SLC25A48: variants seen among roughly 807,000 people sequenced by gnomAD.
The protein encoded by SLC25A48 is solute carrier family 25 member 48.
A neutral mutation model predicts 32.2 loss-of-function variants in SLC25A48; 29 were observed. The observed-to-expected ratio is 0.90, with a 90% confidence interval of 0.67 to 1.23. The LOEUF is 1.23. SLC25A48 is among the 50% of genes most tolerant of loss of function. The pLI, the probability that SLC25A48 is intolerant of heterozygous loss-of-function variation, is 0.00. For missense variants in SLC25A48, 399 were observed against 422.7 expected (o/e 0.94, Z 0.49); for synonymous variants, 164 against 172.3 (o/e 0.95, Z 0.38).
chr5:135,607,558 C>T (rs1260938156), intron 1 of SLC25A48, among the ~76,000 whole-genome samples: 2 of 152,152 alleles, frequency 1.3e-5, no homozygotes, highest in African/African-American at 4.8e-5. Flanking sequence ...AGATGTGCTT[C>T]AATCAGAAAA....
rs1365669402 is a variant in SLC25A48 at position 135,784,524 on chromosome 5, G to T, written c.-520-27999G>T. Among the ~76,000 whole-genome samples, 2 of 117,286 alleles carry T rather than the reference G, an allele frequency of 1.7e-5. 1 individual carries two copies. The highest frequency in any genetic ancestry group is 5.2e-5 in the African/African-American group (2 of 38,488). The allele number at this position is 117,286 out of a possible 152,430, so 76.9% of individuals were successfully genotyped here. On this transcript the variant is annotated intron_variant, in intron 3 of 10. Transcript: ENST00000646290. ...GTGATATTGTCCTAATATCAAAAAAGGGAGTTGATGATATTACCCCCAATA... is the reference window on the plus strand; with the variant it reads ...GTGATATTGTCCTAATATCAAAAAATGGAGTTGATGATATTACCCCCAATA...
chr5:135,886,636 T>TATATATAA (rs1554088462), intron 7 of SLC25A48, among the ~76,000 whole-genome samples: 8 of 30,114 alleles, frequency 2.7e-4, no homozygotes, highest in Non-Finnish European at 4.1e-4. Flanking sequence ...TATATATATA[T>TATATATAA]AAAATATATA....
intron 2 of SLC25A48, among the ~76,000 whole-genome samples, chr5:135,843,216 G>A (rs1759147368): frequency 6.6e-6 from 1 of 152,212 alleles, no homozygotes; most frequent in African/African-American, 2.4e-5. Context: ...GCAGGGGGAT[G>A]GCAGGCAGGA....
At position 135,795,065 on chromosome 5, in the gene SLC25A48, G is replaced by C. The variant is rs559235884; in HGVS notation, c.-520-17458G>C. ...CATTGATATTGTTTGTAATCTCCAG[G>C]AGAGAAGAGGATATTACTCTTAGCA... On this transcript the variant is annotated intron_variant, in intron 3 of 10. Coordinates refer to the SLC25A48 transcript ENST00000646290. 5.9e-5 allele frequency among the ~76,000 whole-genome samples: 9 copies of C among 151,832 alleles called. No homozygotes were observed. The East Asian group carries it at 9.7e-4, about 16-fold the overall frequency.
intron 3 of SLC25A48, among the ~76,000 whole-genome samples, chr5:135,723,378 T>TCACACACACACACACA (rs1444066866): frequency 7.9e-3 from 431 of 54,414 alleles, no homozygotes; most frequent in Non-Finnish European, 0.016. Context: ...TCTCTCTCTC[T>TCACACACACACACACA]CTCACACACA....
intron 3 of SLC25A48, among the ~76,000 whole-genome samples, chr5:135,635,169 G>A (rs1054656770): frequency 6.6e-6 from 1 of 152,152 alleles, no homozygotes. Context: ...GGCCTCTGTG[G>A]GTGTACCAGC....
chr5:135,774,792 A>G (rs933636517), intron 3 of SLC25A48, among the ~76,000 whole-genome samples: 1 of 151,482 alleles, frequency 6.6e-6, no homozygotes, highest in African/African-American at 2.4e-5. Flanking sequence ...GAAGAAGATG[A>G]TATTACTCTA....
intron 5 of SLC25A48, among the ~76,000 whole-genome samples, chr5:135,873,751 AT>A (rs1293631923): frequency 2.6e-5 from 4 of 152,180 alleles, no homozygotes; most frequent in African/African-American, 9.7e-5. Context: ...TCATCAATTC[AT>A]TTGGTCCTCA....
chr5:135,806,463 C>T (rs1757465493), intron 3 of SLC25A48, among the ~76,000 whole-genome samples: 1 of 150,940 alleles, frequency 6.6e-6, no homozygotes, highest in Non-Finnish European at 1.5e-5. Flanking sequence ...ACTGTGTTAA[C>T]ACTACATATT....
intron 3 of SLC25A48, among the ~76,000 whole-genome samples, chr5:135,705,482 A>G (rs1472296983): frequency 6.6e-6 from 1 of 152,218 alleles, no homozygotes; most frequent in Non-Finnish European, 1.5e-5. Flanking sequence ...CACACTGTAA[A>G]TATTCCGTAA....
chr5:135,718,086 C>A (rs1207718114), intron 3 of SLC25A48, among the ~76,000 whole-genome samples: 6 of 152,078 alleles, frequency 3.9e-5, no homozygotes, highest in Non-Finnish European at 7.4e-5. Flanking sequence ...CGGTTCACTG[C>A]AACCTCTGCC....
chr5:135,762,818 G>A (rs951776636), intron 3 of SLC25A48, among the ~76,000 whole-genome samples: 1 of 137,170 alleles, frequency 7.3e-6, no homozygotes. Context: ...GTATAAATGT[G>A]AGTGTGGATG....
intron 3 of SLC25A48, among the ~76,000 whole-genome samples, chr5:135,801,325 T>A (rs1480992248): frequency 6.6e-6 from 1 of 151,252 alleles, no homozygotes; most frequent in Non-Finnish European, 1.5e-5. Flanking sequence ...CCCTGTGATA[T>A]TCTTCAAAAT....
At chr5:135,639,025 T>G (rs961731864) in intron 3 of SLC25A48, among the ~76,000 whole-genome samples, 1 of 152,234 alleles carries the variant, frequency 6.6e-6, no homozygotes, top group Non-Finnish European at 1.5e-5. Context: ...AAATTGAATT[T>G]TCAAAGAACT....
chr5:135,699,328 T>C (rs1754335577), intron 3 of SLC25A48, among the ~76,000 whole-genome samples: 2 of 152,144 alleles, frequency 1.3e-5, no homozygotes, highest in South Asian at 2.1e-4. Flanking sequence ...CGATGTGATA[T>C]TATGCATCAA....
At chr5:135,793,326 C>G (rs1262374396) in intron 3 of SLC25A48, among the ~76,000 whole-genome samples, 1 of 149,156 alleles carries the variant, frequency 6.7e-6, no homozygotes, top group African/African-American at 2.5e-5. Context: ...AGATGATACC[C>G]TCCTGATGTC....
In SLC25A48 at chr5:135,834,815, C is replaced by T; in HGVS notation, c.-33C>T. The T allele has an allele frequency of 6.4e-7, 1 of 1,570,020 alleles. No individual in the cohort carries two copies. Among genetic ancestry groups the T allele is most frequent in the African/African-American group, 1.3e-5 (1 of 74,378 alleles). On this transcript the variant is annotated 5_prime_UTR_variant, in exon 1 of 8. Coordinates refer to ENST00000681962, the MANE Select transcript of SLC25A48 (RefSeq NM_001349336.2). ...CCACTGACTCTAAGTGGGCACTGCCCCGGCTCCGGGAGGGCGAGACCGAGC... is the reference window on the plus strand; with the variant it reads ...CCACTGACTCTAAGTGGGCACTGCCTCGGCTCCGGGAGGGCGAGACCGAGC...
intron 3 of SLC25A48, among the ~76,000 whole-genome samples, chr5:135,694,994 C>G (rs113835212): frequency 0.036 from 5,416 of 152,302 alleles, 302 homozygotes; most frequent in African/African-American, 0.12. Flanking sequence ...GAGCCAGCTG[C>G]TTGGGCCCAT....
chr5:135,591,113 G>A (rs188137036), intron 1 of SLC25A48, among the ~76,000 whole-genome samples: 92 of 152,254 alleles, frequency 6.0e-4, no homozygotes, highest in African/African-American at 2.2e-3. Flanking sequence ...TAACTGCAGG[G>A]TGCCTGTGAT....
Sources: gnomAD v4.1 joint callset for allele counts (sites outside exome capture counted in the v4.1 genomes callset) on GRCh38, gnomAD v4.1.1 for gene constraint, MANE v1.5 for transcripts, NCBI Gene and HGNC (gene_info 2026-07-23, HGNC 2026-07-21) for gene names.